HOOK3: variants seen among roughly 807,000 people sequenced by gnomAD.
HOOK3 encodes the protein hook microtubule tethering protein 3.
Under a neutral mutation model 116.3 loss-of-function variants are expected in HOOK3, and 24 were observed. The observed-to-expected ratio is 0.21, with a 90% CI of 0.15 to 0.29. The LOEUF is 0.29. HOOK3 is among the 10% of genes least tolerant of loss of function. HOOK3 has a pLI of 1.00. For missense variants in HOOK3, 632 were observed against 830.2 expected (o/e 0.76, Z 2.93); for synonymous variants, 275 against 283.0 (o/e 0.97, Z 0.28).
intron 6 of HOOK3, among the ~76,000 whole-genome samples, chr8:42,950,813 A>G (rs111381004): frequency 0.047 from 7,169 of 151,780 alleles, 342 homozygotes; most frequent in African/African-American, 0.12. Context: ...ACTCTCCCGA[A>G]TAGCTGGGAC....
intron 2 of HOOK3, among the ~76,000 whole-genome samples, chr8:42,907,064 G>A (rs1212939452): frequency 6.6e-6 from 1 of 152,102 alleles, no homozygotes; most frequent in African/African-American, 2.4e-5. Flanking sequence ...TTTTGACCTA[G>A]GAATTTTTTA....
intron 4 of HOOK3, among the ~76,000 whole-genome samples, chr8:42,932,654 C>T (rs949548442): frequency 6.6e-6 from 1 of 152,050 alleles, no homozygotes. Flanking sequence ...CTAGCCTGAG[C>T]GTGCCTGAGA....
intron 15 of HOOK3, among the ~76,000 whole-genome samples, chr8:42,990,727 C>G (rs967938360): frequency 2.0e-5 from 3 of 152,030 alleles, no homozygotes; most frequent in Non-Finnish European, 2.9e-5. Context: ...TTAGTCATCC[C>G]TTGTGAGATG....
Position 43,029,460 on chromosome 8 carries a change from T to A in HOOK3, c.*10962T>A. The A allele has an allele frequency of 5.6e-6, 1 of 178,638 alleles. No homozygotes were observed. 11.1% of individuals were successfully genotyped at this position (178,638 alleles called of 1,614,324 possible). A position where few individuals can be genotyped will look rare whatever the true frequency, so the allele number is the denominator to read the frequency against. ...ACTGCGCCCGGCCCAAATCTTTTAT[T>A]TTTTAACAGCCTTAGTTATTTATAA... is the stretch of plus-strand genomic sequence containing the variant. On this transcript the variant is annotated 3_prime_UTR_variant, in exon 22 of 22. Transcript: ENST00000307602.
At chr8:43,005,214 A>ATTTTTTTTTT (rs1178140233) in intron 17 of HOOK3, among the ~76,000 whole-genome samples, 1 of 63,182 alleles carries the variant, frequency 1.6e-5, no homozygotes, top group Non-Finnish European at 2.8e-5. Flanking sequence ...TATATATATA[A>ATTTTTTTTTT]TTTTTTTTTT....
At position 43,005,214 on chromosome 8, in the gene HOOK3, A is replaced by ATTTT. The variant is rs1178140233; in HGVS notation, c.1656-2612_1656-2609dup. Among the ~76,000 whole-genome samples the ATTTT allele has an allele frequency of 4.7e-3, 297 of 63,192 alleles. 6 individuals carry two copies. The highest frequency in any genetic ancestry group is 7.1e-3 in the South Asian group (10 of 1,418). The allele number at this position is 63,192 out of a possible 152,430, so 41.5% of individuals were successfully genotyped here. On this transcript the variant is annotated intron_variant, in intron 17 of 21. Transcript: ENST00000307602. ...CTCTCTCTCTCTATATATATATATA[A>ATTTT]TTTTTTTTTTTTTTTTTTTTTTTTG...
At chr8:43,000,251 T>C in intron 16 of HOOK3, 1 of 1,283,636 alleles carries the variant, frequency 7.8e-7, no homozygotes, top group Non-Finnish European at 1.0e-6. Context: ...CTCTGTCTCT[T>C]GGCATGGTTT....
At position 42,943,386 on chromosome 8, in the gene HOOK3, A is replaced by G; in HGVS notation, c.341A>G (p.Glu114Gly). The G allele has an allele frequency of 6.4e-7, 1 of 1,569,478 alleles. No individual in the cohort carries two copies. Among genetic ancestry groups the G allele is most frequent in the Non-Finnish European group, 8.6e-7 (1 of 1,156,580 alleles). ...ATTGGGGAGCATTCTGATGCAGCAGAGCTTGGAAGGATGCTTCAGCTCATC... is the reference window on the plus strand; with the variant it reads ...ATTGGGGAGCATTCTGATGCAGCAGGGCTTGGAAGGATGCTTCAGCTCATC... ...NLIGEHSDAAELGRMLQLILG... is the reference protein window; with the variant it reads ...NLIGEHSDAAGLGRMLQLILG... Residue 114 changes from glutamate (E) to glycine (G), a missense_variant, in exon 5 of 22, where the codon GAG becomes GGG. Physicochemically the swap from Glu to Gly is moderately conservative, Grantham distance 98 (BLOSUM62 -2). Transcript: ENST00000307602.
intron 15 of HOOK3, 44 bp from the exon 16 acceptor site, chr8:42,997,506 A>G: frequency 8.1e-7 from 1 of 1,242,006 alleles, no homozygotes; most frequent in Non-Finnish European, 1.2e-6. Flanking sequence ...AAAAAGGCAT[A>G]CGTAACTCAC....
chr8:42,996,525 T>C (rs995009083), intron 15 of HOOK3, among the ~76,000 whole-genome samples: 1 of 152,192 alleles, frequency 6.6e-6, no homozygotes, highest in Non-Finnish European at 1.5e-5. Context: ...CAGCAGACAC[T>C]TTGTATTCCA....
chr8:42,909,052 G>GA (rs1020419535), intron 2 of HOOK3, among the ~76,000 whole-genome samples: 25 of 152,166 alleles, frequency 1.6e-4, no homozygotes, highest in African/African-American at 6.0e-4. Context: ...ACAGGCATAT[G>GA]AAAAAATGCT....
At position 42,997,699 on chromosome 8, in the gene HOOK3, A is replaced by G. The variant is rs886921094; in HGVS notation, c.1620+62A>G. The G allele has an allele frequency of 2.6e-5, 24 of 909,304 alleles. 2 individuals are homozygous for G. The highest frequency in any genetic ancestry group is 3.6e-6 in the Non-Finnish European group (2 of 554,214). 56.3% of individuals were successfully genotyped at this position (909,304 alleles called of 1,614,324 possible). ...TTCACAATGTTGAGAAATAACTTTT[A>G]TTTTTTATTTGATGTTTTTTGTCAA... On this transcript the variant is annotated intron_variant, in intron 16 of 21. Transcript: ENST00000307602.
In HOOK3 at chr8:42,925,549, T is replaced by C; in HGVS notation, c.144-8T>C. On this transcript the variant is annotated splice_region_variant and splice_polypyrimidine_tract_variant and intron_variant, in intron 2 of 21. Transcript: ENST00000307602. ...ATTTTAATATGTAAGCTTTTTCTTATTTTGCAGAGATCCTGCATATTTTGA... is the reference window on the plus strand; with the variant it reads ...ATTTTAATATGTAAGCTTTTTCTTACTTTGCAGAGATCCTGCATATTTTGA... The C allele has an allele frequency of 1.3e-6, 2 of 1,574,562 alleles. No homozygotes were observed.
chr8:42,986,341 A>C (rs538822112), intron 14 of HOOK3, among the ~76,000 whole-genome samples: 1 of 152,324 alleles, frequency 6.6e-6, no homozygotes, highest in African/African-American at 2.4e-5. Flanking sequence ...TTCTCTGATA[A>C]GAATCAGATA....
intron 2 of HOOK3, among the ~76,000 whole-genome samples, chr8:42,914,684 C>T (rs957683241): frequency 6.6e-6 from 1 of 152,178 alleles, no homozygotes; most frequent in Non-Finnish European, 1.5e-5. Flanking sequence ...ATTTGTTTGA[C>T]AATACCACAA....
chr8:42,996,125 C>G (rs1221165908), intron 15 of HOOK3, among the ~76,000 whole-genome samples: 1 of 152,048 alleles, frequency 6.6e-6, no homozygotes, highest in East Asian at 1.9e-4. Context: ...GTGGCTCATG[C>G]CTGTAATCCC....
chr8:42,980,993 C>G (rs1451626202), intron 13 of HOOK3, among the ~76,000 whole-genome samples: 1 of 152,230 alleles, frequency 6.6e-6, no homozygotes, highest in East Asian at 1.9e-4. Context: ...AGCAGGCAGG[C>G]TCTTACCAGA....
Position 42,968,179 on chromosome 8 carries a change from G to A in HOOK3, c.1087G>A (p.Ala363Thr), listed in dbSNP as rs139710426. 209 of 1,613,836 alleles carry A rather than the reference G, an allele frequency of 1.3e-4. 1 individual carries two copies. The highest frequency in any genetic ancestry group is 2.4e-4 in the African/African-American group (18 of 75,018). ...SLEEELRKAN[A>T]ARSQLETYKR... Reference sequence around the variant, plus strand: ...AGAGGAAGAGTTAAGAAAGGCCAACGCAGCGCGAAGTCAACTTGAAACCTA... The same window carrying A: ...AGAGGAAGAGTTAAGAAAGGCCAACACAGCGCGAAGTCAACTTGAAACCTA... Residue 363 changes from alanine to threonine, a missense_variant, in exon 11 of 22, where the codon GCA becomes ACA. This residue lies in a region of HOOK3 where 483 missense variants were observed against 648.1 expected (regional missense o/e 0.75). Transcript: ENST00000307602.
intron 16 of HOOK3, among the ~76,000 whole-genome samples, chr8:43,000,572 C>T (rs973621399): frequency 6.6e-6 from 1 of 152,150 alleles, no homozygotes; most frequent in Non-Finnish European, 1.5e-5. Flanking sequence ...GTCTATCCCC[C>T]TCCTGCCCCA....
Sources: gnomAD v4.1 joint callset for allele counts (sites outside exome capture counted in the v4.1 genomes callset) on GRCh38, gnomAD v4.1.1 for gene constraint, gnomAD v4.1.1 regional missense constraint, MANE v1.5 for transcripts, NCBI Gene and HGNC (gene_info 2026-07-23, HGNC 2026-07-21) for gene names.